Variants in MEGF10 observed in about 807,000 individuals in gnomAD.
MEGF10 encodes multiple EGF like domains 10.
Under a neutral mutation model 147.5 loss-of-function variants are expected in MEGF10, and 86 were observed. That is an observed-to-expected ratio of 0.58 (90% CI 0.49 to 0.70). MEGF10 has a LOEUF of 0.70. Among genes scored for constraint, MEGF10 ranks in the 30% least tolerant of loss-of-function variants. The pLI is 0.00. For missense variants in MEGF10, 1,329 were observed against 1,487.3 expected (o/e 0.89, Z 1.75); for synonymous variants, 478 against 525.5 (o/e 0.91, Z 1.24).
intron 5 of MEGF10, among the ~76,000 whole-genome samples, chr5:127,386,871 A>G (rs1223426872): frequency 4.6e-5 from 7 of 152,194 alleles, no homozygotes; most frequent in African/African-American, 1.4e-4. Context: ...CTGTTACTAG[A>G]TCTGTGCAGT....
chr5:127,247,365 G>C, the MEGF10 span, among the ~76,000 whole-genome samples: 12 of 4,006 alleles, frequency 3.0e-3, 1 homozygote, highest in African/African-American at 5.3e-3. Flanking sequence ...AGAAGAAGAA[G>C]AAGAAGAAGA....
In MEGF10 at chr5:127,417,722, C is replaced by T. The variant is rs781762135; in HGVS notation, c.1215C>T (p.Tyr405=). ...ATGAGACATGTTCTCCTGGATTCTA[C>T]GGGGAAGCTTGCCAGCAGATCTGCA... ...YCNETCSPGF[Y]GEACQQICSC... The change falls in exon 10 of 25, where the codon TAC becomes TAT. Residue 405 remains tyrosine (Y), a synonymous_variant. Coordinates refer to ENST00000503335, the MANE Select transcript of MEGF10 (RefSeq NM_001256545.2). 39 of 1,613,898 alleles carry T rather than the reference C, an allele frequency of 2.4e-5. No homozygotes were observed. The highest frequency in any genetic ancestry group is 5.0e-5 in the Admixed American group (3 of 59,990).
the MEGF10 span, among the ~76,000 whole-genome samples, chr5:127,263,728 G>A: frequency 6.6e-6 from 1 of 152,056 alleles, no homozygotes; most frequent in African/African-American, 2.4e-5. Context: ...TTGGTTTTTA[G>A]GCTAAGTAAT....
chr5:127,303,408 C>T (rs909106791), intron 1 of MEGF10, among the ~76,000 whole-genome samples: 10 of 150,788 alleles, frequency 6.6e-5, no homozygotes, highest in African/African-American at 1.2e-4. Context: ...CCTGGAAACC[C>T]GGCTGCCAGT....
intron 1 of MEGF10, among the ~76,000 whole-genome samples, chr5:127,329,744 A>C (rs1253741956): frequency 6.6e-6 from 1 of 151,958 alleles, no homozygotes; most frequent in Admixed American, 6.6e-5. Flanking sequence ...GCAGGTTGGC[A>C]CTTATTTTGT....
chr5:127,366,698 G>A (rs559582500), intron 4 of MEGF10, among the ~76,000 whole-genome samples: 6 of 152,028 alleles, frequency 3.9e-5, no homozygotes, highest in East Asian at 1.9e-4. Flanking sequence ...TTACCATCAC[G>A]GATTTTTTTA....
Position 127,447,603 on chromosome 5 carries a change from C to T in MEGF10, c.2775C>T (p.Phe925=), listed in dbSNP as rs771591680. ...GTGGAAACGCTAATAGCCACTACTT[C>T]ACCAATCCCAGTTACCACACGCTCA... ...SNGGNANSHY[F]TNPSYHTLTQ... The change falls in exon 21 of 25, where the codon TTC becomes TTT. Residue 925 remains phenylalanine (F), a synonymous_variant. Coordinates refer to ENST00000503335, the MANE Select transcript of MEGF10 (RefSeq NM_001256545.2). 3 of 1,614,180 alleles carry T rather than the reference C, an allele frequency of 1.9e-6. No homozygotes were observed. Among genetic ancestry groups the T allele is most frequent in the Non-Finnish European group, 2.5e-6 (3 of 1,180,012 alleles).
At chr5:127,442,969 G>GA in intron 18 of MEGF10, 29 bp from the exon 19 acceptor site, 1 of 1,598,712 alleles carries the variant, frequency 6.3e-7, no homozygotes, top group South Asian at 1.1e-5. Flanking sequence ...CCCAAGGTTG[G>GA]AAAGCTACAT....
At chr5:127,454,631 A>G in intron 23 of MEGF10, 21 bp downstream of exon 23, 3 of 1,595,230 alleles carry the variant, frequency 1.9e-6, no homozygotes, top group Non-Finnish European at 8.5e-7. Flanking sequence ...AATTTGAAGA[A>G]GAAATCAGAA....
chr5:127,445,286 A>G, intron 19 of MEGF10, 171 bp from the exon 20 acceptor site: 1 of 620,250 alleles, frequency 1.6e-6, no homozygotes, highest in African/African-American at 1.8e-5. Context: ...ATAGGCCGAC[A>G]ACATCTGACA....
chr5:127,432,108 G>T (rs553840318), intron 13 of MEGF10, among the ~76,000 whole-genome samples: 1 of 152,268 alleles, frequency 6.6e-6, no homozygotes, highest in African/African-American at 2.4e-5. Context: ...TGAAATAAAA[G>T]TCTATTGTTG....
the MEGF10 span, among the ~76,000 whole-genome samples, chr5:127,247,393 AAGAAGAAGAAG>A: frequency 2.8e-5 from 1 of 36,266 alleles, no homozygotes. Context: ...GAAGAAGAAG[AAGAAGAAGAAG>A]AAGAAGAAGA....
chr5:127,326,166 C>T (rs75552633), intron 1 of MEGF10, among the ~76,000 whole-genome samples: 2,222 of 151,950 alleles, frequency 0.015, 62 homozygotes, highest in East Asian at 0.11. Flanking sequence ...CCTCCTACCT[C>T]GGCTTCCCAA....
chr5:127,383,930 T>C (rs1404384816), intron 5 of MEGF10, among the ~76,000 whole-genome samples: 1 of 152,240 alleles, frequency 6.6e-6, no homozygotes, highest in Non-Finnish European at 1.5e-5. Context: ...TTTCTTACTC[T>C]GAGATTTTAG....
chr5:127,416,391 G>A (rs1005254622), intron 9 of MEGF10, among the ~76,000 whole-genome samples: 2 of 152,086 alleles, frequency 1.3e-5, no homozygotes, highest in African/African-American at 4.8e-5. Flanking sequence ...GACTGCTCAA[G>A]GATAAGAAAT....
At chr5:127,267,502 A>G in the MEGF10 span, among the ~76,000 whole-genome samples, 3 of 152,312 alleles carry the variant, frequency 2.0e-5, no homozygotes, top group East Asian at 5.8e-4. Flanking sequence ...GAATGGTACC[A>G]GCTCCTCCTT....
At chr5:127,394,002 A>G (rs1413630700) in intron 5 of MEGF10, among the ~76,000 whole-genome samples, 1 of 152,148 alleles carries the variant, frequency 6.6e-6, no homozygotes, top group Non-Finnish European at 1.5e-5. Context: ...CATGTTCTGT[A>G]AAGTGTATGT....
chr5:127,388,243 G>T (rs930243081), intron 5 of MEGF10, among the ~76,000 whole-genome samples: 1 of 151,910 alleles, frequency 6.6e-6, no homozygotes, highest in African/African-American at 2.4e-5. Flanking sequence ...CGACCTCCTG[G>T]ACTCAAGCAA....
At chr5:127,280,181 A>C in the MEGF10 span, among the ~76,000 whole-genome samples, 1 of 152,238 alleles carries the variant, frequency 6.6e-6, no homozygotes, top group East Asian at 1.9e-4. Flanking sequence ...TCTTTGTTAA[A>C]TATGAGAAAA....
Sources: gnomAD v4.1 joint callset for allele counts (sites outside exome capture counted in the v4.1 genomes callset) on GRCh38, gnomAD v4.1.1 for gene constraint, MANE v1.5 for transcripts, NCBI Gene and HGNC (gene_info 2026-07-23, HGNC 2026-07-21) for gene names.